GALNT13: variants seen among roughly 807,000 people sequenced by gnomAD.
GALNT13 encodes the protein UDP-GalNAc:polypeptide N-acetylgalactosaminyltransferase 13.
GALNT13 carries 28 observed loss-of-function variants against 64.2 expected under a neutral mutation model. The observed-to-expected ratio is 0.44, with a 90% CI of 0.32 to 0.60. GALNT13 has a LOEUF of 0.60. Ranked by LOEUF, GALNT13 falls within the 20% of genes least tolerant of loss-of-function variation. GALNT13 has a pLI of 0.05. For missense variants in GALNT13, 577 were observed against 669.8 expected (o/e 0.86, Z 1.53); for synonymous variants, 214 against 224.6 (o/e 0.95, Z 0.42).
the GALNT13 span, among the ~76,000 whole-genome samples, chr2:153,096,244 G>T: frequency 6.7e-6 from 1 of 148,866 alleles, no homozygotes; most frequent in Non-Finnish European, 1.5e-5. Context: ...ATTTTAGTTT[G>T]TTTTTTTTTG....
At chr2:153,387,821 G>C in the GALNT13 span, among the ~76,000 whole-genome samples, 6 of 152,008 alleles carry the variant, frequency 3.9e-5, no homozygotes, top group Admixed American at 3.9e-4. Flanking sequence ...CTCATAAAAA[G>C]CTCAGTTTTT....
the GALNT13 span, among the ~76,000 whole-genome samples, chr2:153,565,819 A>G: frequency 6.6e-6 from 1 of 152,304 alleles, no homozygotes; most frequent in Non-Finnish European, 1.5e-5. Flanking sequence ...ATATGATCTG[A>G]AATTATTGGA....
Position 154,409,057 on chromosome 2 carries a change from A to G in GALNT13, c.1370A>G (p.Asn457Ser), listed in dbSNP as rs149633110. 6.2e-7 allele frequency: 1 copy of G among 1,609,330 alleles called. No individual in the cohort carries two copies. The highest frequency in any genetic ancestry group is 1.1e-5 in the South Asian group (1 of 90,984). ...RKENEKVGIFNCHGMGGNQVF... is the reference protein window; with the variant it reads ...RKENEKVGIFSCHGMGGNQVF... ...GAAAATGAAAAAGTGGGTATATTCA[A>G]CTGTCATGGTATGGGAGGAAATCAG... Residue 457 changes from asparagine (N) to serine (S), a missense_variant, in exon 11 of 13, where the codon AAC becomes AGC. Asn to Ser is a conservative substitution (Grantham distance 46). Coordinates refer to ENST00000392825, the MANE Select transcript of GALNT13 (RefSeq NM_052917.4).
the GALNT13 span, among the ~76,000 whole-genome samples, chr2:153,484,218 A>C: frequency 1.3e-5 from 2 of 152,176 alleles, no homozygotes; most frequent in Non-Finnish European, 2.9e-5. Context: ...TTATTTGAAC[A>C]TAGCCATGAC....
chr2:153,788,313 C>T, the GALNT13 span, among the ~76,000 whole-genome samples: 5 of 152,086 alleles, frequency 3.3e-5, no homozygotes, highest in Non-Finnish European at 5.9e-5. Flanking sequence ...AGAAAAGTAA[C>T]TCCAACCAAG....
the GALNT13 span, among the ~76,000 whole-genome samples, chr2:153,185,692 T>G: frequency 6.6e-6 from 1 of 152,216 alleles, no homozygotes; most frequent in South Asian, 2.1e-4. Flanking sequence ...ACTTCTTGAT[T>G]TCTGCTTTAA....
At chr2:154,027,257 C>G (rs975255659) in intron 3 of GALNT13, among the ~76,000 whole-genome samples, 5 of 152,178 alleles carry the variant, frequency 3.3e-5, no homozygotes, top group African/African-American at 1.2e-4. Context: ...GCTATTCCAT[C>G]TGCCTTGTTT....
the GALNT13 span, among the ~76,000 whole-genome samples, chr2:153,805,169 G>C: frequency 6.6e-6 from 1 of 151,716 alleles, no homozygotes; most frequent in African/African-American, 2.4e-5. Context: ...GAGGAAATGA[G>C]AACAATTGGT....
chr2:153,232,027 T>TC, the GALNT13 span, among the ~76,000 whole-genome samples: 2 of 152,200 alleles, frequency 1.3e-5, no homozygotes, highest in East Asian at 3.9e-4. Flanking sequence ...AAACGTGCAC[T>TC]GACCCTTGTC....
At chr2:154,014,472 T>C (rs1238170122) in intron 3 of GALNT13, among the ~76,000 whole-genome samples, 1 of 151,674 alleles carries the variant, frequency 6.6e-6, no homozygotes, top group Non-Finnish European at 1.5e-5. Flanking sequence ...ATCTTCATCC[T>C]CCTTCCGTCC....
chr2:153,224,304 GGACTACTAGA>G, the GALNT13 span, among the ~76,000 whole-genome samples: 35 of 152,014 alleles, frequency 2.3e-4, no homozygotes, highest in Admixed American at 6.6e-4. Context: ...TAGACACTGG[GGACTACTAGA>G]GACTACTAGA....
intron 3 of GALNT13, among the ~76,000 whole-genome samples, chr2:154,001,587 T>A (rs1695912690): frequency 6.6e-6 from 1 of 152,014 alleles, no homozygotes; most frequent in South Asian, 2.1e-4. Flanking sequence ...CACTTTTACT[T>A]TTTGATGTTT....
intron 8 of GALNT13, among the ~76,000 whole-genome samples, chr2:154,279,130 C>G (rs949683621): frequency 1.3e-5 from 2 of 152,024 alleles, no homozygotes; most frequent in Non-Finnish European, 2.9e-5. Flanking sequence ...GTTTCACACT[C>G]ATTATTTTAC....
intron 3 of GALNT13, among the ~76,000 whole-genome samples, chr2:153,986,863 G>A (rs1694835724): frequency 6.6e-6 from 1 of 151,986 alleles, no homozygotes; most frequent in African/African-American, 2.4e-5. Context: ...TATTTCATCT[G>A]AAGTACAGTG....
At chr2:153,785,400 T>G in the GALNT13 span, among the ~76,000 whole-genome samples, 3 of 152,228 alleles carry the variant, frequency 2.0e-5, no homozygotes, top group Admixed American at 1.3e-4. Context: ...TTTTGCTGTT[T>G]CGTAGCCATC....
chr2:153,794,512 C>T, the GALNT13 span, among the ~76,000 whole-genome samples: 4 of 148,822 alleles, frequency 2.7e-5, no homozygotes, highest in Non-Finnish European at 5.9e-5. Flanking sequence ...TGTGTTTGGT[C>T]GATTAGAATA....
intron 4 of GALNT13, among the ~76,000 whole-genome samples, chr2:154,237,968 T>G (rs1328819184): frequency 6.6e-6 from 1 of 152,068 alleles, no homozygotes; most frequent in Non-Finnish European, 1.5e-5. Flanking sequence ...ATTTGCCTGT[T>G]AATCAACAGC....
intron 8 of GALNT13, among the ~76,000 whole-genome samples, chr2:154,298,315 G>C (rs894340738): frequency 1.3e-5 from 2 of 148,248 alleles, no homozygotes; most frequent in African/African-American, 5.0e-5. Flanking sequence ...GGTCAAAAAC[G>C]AATGTAAATT....
intron 3 of GALNT13, among the ~76,000 whole-genome samples, chr2:154,040,529 C>G (rs1698914649): frequency 7.1e-6 from 1 of 140,902 alleles, no homozygotes; most frequent in South Asian, 2.3e-4. Context: ...TTGGGTTTCA[C>G]TGTCCTCATA....
Sources: allele counts gnomAD v4.1 joint callset (sites outside exome capture counted in the v4.1 genomes callset), GRCh38; gene constraint gnomAD v4.1.1; transcripts MANE v1.5; gene names NCBI Gene and HGNC (gene_info 2026-07-23, HGNC 2026-07-21).